FRMD5: variants seen among roughly 807,000 people sequenced by gnomAD.
The protein encoded by FRMD5 is FERM domain-containing protein 5.
FRMD5 carries 20 observed loss-of-function variants against 69.0 expected under a neutral mutation model. The observed-to-expected ratio is 0.29, with a 90% CI of 0.20 to 0.42. The LOEUF (loss-of-function observed/expected upper bound fraction) is 0.42. Ranked by LOEUF, FRMD5 falls within the 10% of genes least tolerant of loss-of-function variation. The pLI, the probability that FRMD5 is intolerant of heterozygous loss-of-function variation, is 1.00. For missense variants in FRMD5, 595 were observed against 708.6 expected (o/e 0.84, Z 1.82); for synonymous variants, 271 against 260.1 (o/e 1.04, Z -0.40).
At chr15:44,092,927 C>CTT (rs3040924) in intron 1 of FRMD5, among the ~76,000 whole-genome samples, 215 of 79,418 alleles carry the variant, frequency 2.7e-3, no homozygotes, top group African/African-American at 8.0e-3. Flanking sequence ...TATCCTCTGC[C>CTT]TTTTTTTTTT....
chr15:44,058,375 G>A (rs1235317042), intron 1 of FRMD5, among the ~76,000 whole-genome samples: 2 of 152,152 alleles, frequency 1.3e-5, no homozygotes. Context: ...CTGCTAAGGG[G>A]CATGAGGTTT....
intron 1 of FRMD5, among the ~76,000 whole-genome samples, chr15:44,191,904 T>TAC (rs1343799222): frequency 9.1e-3 from 8 of 882 alleles, no homozygotes; most frequent in South Asian, 0.17. Context: ...TATATATATA[T>TAC]ATATATATAT....
chr15:44,038,720 G>T (rs939658535), intron 1 of FRMD5, among the ~76,000 whole-genome samples: 1 of 151,818 alleles, frequency 6.6e-6, no homozygotes, highest in Non-Finnish European at 1.5e-5. Flanking sequence ...GAAGCAGGGT[G>T]GGGCATTGCC....
intron 7 of FRMD5, among the ~76,000 whole-genome samples, chr15:43,894,562 G>T (rs927211359): frequency 6.6e-6 from 1 of 152,076 alleles, no homozygotes; most frequent in Non-Finnish European, 1.5e-5. Flanking sequence ...TGAGATAAAG[G>T]AAAGGCCTAG....
intron 1 of FRMD5, among the ~76,000 whole-genome samples, chr15:43,999,122 T>C (rs1179268068): frequency 6.6e-6 from 1 of 152,108 alleles, no homozygotes; most frequent in African/African-American, 2.4e-5. Context: ...GGCTGGAGTG[T>C]GGTGGTGTGA....
At chr15:44,111,187 AC>A (rs573015182) in intron 1 of FRMD5, among the ~76,000 whole-genome samples, 100 of 152,322 alleles carry the variant, frequency 6.6e-4, no homozygotes, top group African/African-American at 2.3e-3. Flanking sequence ...ATATATATGA[AC>A]CTGATGATTC....
chr15:43,903,844 T>C (rs1027272011), intron 6 of FRMD5, among the ~76,000 whole-genome samples: 1 of 152,212 alleles, frequency 6.6e-6, no homozygotes, highest in Admixed American at 6.5e-5. Context: ...GTCCCTACTA[T>C]TCTGATGTCT....
chr15:44,083,511 G>A (rs1344619046), intron 1 of FRMD5, among the ~76,000 whole-genome samples: 3 of 151,898 alleles, frequency 2.0e-5, no homozygotes, highest in Admixed American at 6.6e-5. Flanking sequence ...TTCACTACTG[G>A]CTGATATACA....
At chr15:43,936,763 G>A (rs1021842652) in intron 1 of FRMD5, among the ~76,000 whole-genome samples, 2 of 151,286 alleles carry the variant, frequency 1.3e-5, no homozygotes, top group African/African-American at 4.9e-5. Context: ...ACTTGGGAAG[G>A]GAGGGAAGGG....
At chr15:43,884,584 CTG>C (rs1173617663) in intron 12 of FRMD5, 141 bp downstream of exon 12, 4 of 640,768 alleles carry the variant, frequency 6.2e-6, no homozygotes, top group Non-Finnish European at 1.1e-5. Context: ...CCCCATCCCT[CTG>C]AGAAGTTTCT....
chr15:44,193,311 T>C (rs1167842714), intron 1 of FRMD5, among the ~76,000 whole-genome samples: 2 of 152,208 alleles, frequency 1.3e-5, no homozygotes, highest in African/African-American at 4.8e-5. Flanking sequence ...CCCCTTGATA[T>C]GCTATTGGAT....
rs563753243 is a variant in FRMD5, at chr15:44,041,039, G to C, written c.103-116730C>G. The stretch of plus-strand genomic sequence containing the variant: ...AAAAAAAAAAAAAAAAAAAAGCAGG[G>C]GTTGCAATCCTAGTTTCTGATAAAA... On this transcript the variant is annotated intron_variant, in intron 1 of 13. Transcript: ENST00000417257. Among the ~76,000 whole-genome samples, 54 of 106,860 alleles carry C rather than the reference G, an allele frequency of 5.1e-4. 1 individual carries two copies. The South Asian group carries it at 0.017, about 33-fold the overall frequency. 70.1% of individuals were successfully genotyped at this position (106,860 alleles called of 152,430 possible).
At chr15:43,973,805 G>A (rs2090424394) in intron 1 of FRMD5, among the ~76,000 whole-genome samples, 2 of 150,892 alleles carry the variant, frequency 1.3e-5, no homozygotes, top group South Asian at 2.1e-4. Flanking sequence ...TGGTTTTAGA[G>A]AAACTTATAT....
chr15:43,955,813 ATTTTTTT>A (rs769415364), intron 1 of FRMD5, among the ~76,000 whole-genome samples: 1 of 146,324 alleles, frequency 6.8e-6, no homozygotes, highest in African/African-American at 2.5e-5. Context: ...CACTTCAGAG[ATTTTTTT>A]TTTTTTAGGG....
At chr15:43,923,281 T>C (rs2089528198) in intron 2 of FRMD5, among the ~76,000 whole-genome samples, 1 of 152,206 alleles carries the variant, frequency 6.6e-6, no homozygotes, top group Admixed American at 6.5e-5. Flanking sequence ...CAGGCCCTCA[T>C]GGAACTTACA....
chr15:44,031,727 T>C (rs1891693027), intron 1 of FRMD5, among the ~76,000 whole-genome samples: 1 of 152,188 alleles, frequency 6.6e-6, no homozygotes, highest in African/African-American at 2.4e-5. Flanking sequence ...CTATTTCACG[T>C]AGTCCAGTAT....
intron 1 of FRMD5, among the ~76,000 whole-genome samples, chr15:44,106,864 G>C (rs540919583): frequency 5.9e-4 from 90 of 152,098 alleles, no homozygotes; most frequent in Non-Finnish European, 1.2e-3. Context: ...CAAACTTTTT[G>C]GTCTCAGGAC....
rs548175750 is a variant in FRMD5 at position 43,905,214 on chromosome 15, G to A, written c.551+614C>T. ...TGCAATGGCGCAACCTCAGCTCACT[G>A]CAACCTCTGCCTCCTGGGTTCAAGC... On this transcript the variant is annotated intron_variant, in intron 6 of 13. Coordinates refer to ENST00000417257, the MANE Select transcript of FRMD5 (RefSeq NM_032892.5). Among the ~76,000 whole-genome samples the A allele has an allele frequency of 1.0e-4, 15 of 146,526 alleles. No individual in the cohort carries two copies. The South Asian group carries it at 2.4e-3, about 23-fold the overall frequency.
intron 4 of FRMD5, among the ~76,000 whole-genome samples, chr15:43,912,229 C>G (rs1257598530): frequency 3.3e-5 from 5 of 152,172 alleles, no homozygotes; most frequent in African/African-American, 1.2e-4. Context: ...TGAGTCTTAG[C>G]CTGGAAGTTA....
Sources: allele counts gnomAD v4.1 joint callset (sites outside exome capture counted in the v4.1 genomes callset), GRCh38; gene constraint gnomAD v4.1.1; transcripts MANE v1.5; gene names NCBI Gene and HGNC (gene_info 2026-07-23, HGNC 2026-07-21).